Variants in SEMA3C observed in about 807,000 individuals in gnomAD.
SEMA3C encodes semaphorin-3C.
A neutral mutation model predicts 89.4 loss-of-function variants in SEMA3C; 47 were observed. The ratio of observed to expected loss-of-function variants is 0.53; its 90% confidence interval spans 0.42 to 0.67. SEMA3C has a LOEUF of 0.67. Ranked by LOEUF, SEMA3C falls within the 30% of genes least tolerant of loss-of-function variation. SEMA3C has a pLI of 0.00. For missense variants in SEMA3C, 839 were observed against 929.1 expected, an observed-to-expected ratio of 0.90 and a Z score of 1.26; for synonymous variants, 310 against 320.2, an observed-to-expected ratio of 0.97 and a Z score of 0.34.
intron 2 of SEMA3C, among the ~76,000 whole-genome samples, chr7:80,844,059 A>G (rs966169533): frequency 5.9e-5 from 9 of 152,156 alleles, no homozygotes; most frequent in Admixed American, 3.9e-4. Context: ...AATCATGGGT[A>G]CCTTTCCCAC....
Position 80,879,886 on chromosome 7 carries a change from T to A in SEMA3C, c.103+36793A>T, listed in dbSNP as rs75312854. Among the ~76,000 whole-genome samples the A allele has an allele frequency of 1.3e-4, 20 of 152,252 alleles. No individual in the cohort carries two copies. The East Asian group carries it at 3.9e-3, about 29-fold the overall frequency. On this transcript the variant is annotated intron_variant, in intron 2 of 17. Coordinates refer to ENST00000265361, the MANE Select transcript of SEMA3C (RefSeq NM_006379.5). ...CATGGAGCAAACAATCTTACAAGGT[T>A]TCTCTGTGACGTTTATAGAATTTCC...
intron 2 of SEMA3C, among the ~76,000 whole-genome samples, chr7:80,847,605 G>A (rs180734584): frequency 7.2e-5 from 11 of 152,040 alleles, no homozygotes; most frequent in Admixed American, 7.2e-4. Context: ...CTTTCCAAAC[G>A]TAACAAACTC....
At chr7:80,834,868 T>G (rs1790089489) in intron 2 of SEMA3C, among the ~76,000 whole-genome samples, 1 of 152,214 alleles carries the variant, frequency 6.6e-6, no homozygotes. Context: ...CAATACAATG[T>G]TAATGCTATG....
intron 2 of SEMA3C, among the ~76,000 whole-genome samples, chr7:80,903,215 A>G (rs945930946): frequency 1.2e-4 from 19 of 152,156 alleles, no homozygotes; most frequent in Admixed American, 2.6e-4. Flanking sequence ...CTCTTACTAC[A>G]CACCTAGGCT....
chr7:80,775,671 T>C (rs1308198742), intron 12 of SEMA3C, among the ~76,000 whole-genome samples: 2 of 152,130 alleles, frequency 1.3e-5, no homozygotes, highest in Non-Finnish European at 2.9e-5. Context: ...ACTCAGGCTA[T>C]TTATGGTGGT....
At chr7:80,800,876 G>T in intron 9 of SEMA3C, 50 bp from the exon 10 acceptor site, 1 of 1,257,446 alleles carries the variant, frequency 8.0e-7, no homozygotes, top group Non-Finnish European at 1.1e-6. Context: ...TAACTTCTTT[G>T]TTTTGAAAAA....
chr7:80,849,311 C>A (rs1180536296), intron 2 of SEMA3C, among the ~76,000 whole-genome samples: 2 of 151,050 alleles, frequency 1.3e-5, no homozygotes, highest in Non-Finnish European at 2.9e-5. Context: ...CAACAGTGGC[C>A]ATTAGTAAAA....
At chr7:80,860,313 T>A (rs1048639259) in intron 2 of SEMA3C, among the ~76,000 whole-genome samples, 6 of 152,182 alleles carry the variant, frequency 3.9e-5, no homozygotes, top group Admixed American at 3.3e-4. Flanking sequence ...AATGGCCAAC[T>A]ATTTTTGAAT....
At chr7:80,915,346 A>C (rs1042657829) in intron 2 of SEMA3C, among the ~76,000 whole-genome samples, 28 of 152,170 alleles carry the variant, frequency 1.8e-4, no homozygotes, top group Non-Finnish European at 3.2e-4. Flanking sequence ...TTAGAAGCTC[A>C]CACATTCTAA....
At chr7:80,785,866 C>A (rs1788789709) in intron 12 of SEMA3C, among the ~76,000 whole-genome samples, 5 of 152,174 alleles carry the variant, frequency 3.3e-5, no homozygotes, top group Admixed American at 3.3e-4. Context: ...CCTTGGCCTC[C>A]CAAAGTGCTG....
intron 2 of SEMA3C, among the ~76,000 whole-genome samples, chr7:80,895,646 AT>A (rs1791716267): frequency 1.6e-4 from 25 of 152,202 alleles, no homozygotes; most frequent in Admixed American, 1.6e-3. Context: ...AGATTATTAA[AT>A]TTAAACATAA....
chr7:80,864,222 A>G (rs1338113908), intron 2 of SEMA3C, among the ~76,000 whole-genome samples: 1 of 151,672 alleles, frequency 6.6e-6, no homozygotes, highest in Non-Finnish European at 1.5e-5. Flanking sequence ...GAATGAGACA[A>G]TGGACTTTGG....
At chr7:80,827,651 T>C (rs1789907790) in intron 3 of SEMA3C, among the ~76,000 whole-genome samples, 164 bp from the exon 4 acceptor site, 2 of 152,094 alleles carry the variant, frequency 1.3e-5, no homozygotes, top group African/African-American at 4.8e-5. Context: ...TCTATTATTT[T>C]AACAATTACA....
intron 17 of SEMA3C, among the ~76,000 whole-genome samples, chr7:80,746,897 T>C (rs1787814878): frequency 6.6e-6 from 1 of 152,100 alleles, no homozygotes; most frequent in Admixed American, 6.6e-5. Context: ...AGTATTGAAG[T>C]GGAGGAGGGC....
In SEMA3C at chr7:80,815,485, G is replaced by A. The variant is rs1467214543; in HGVS notation, c.447+2814C>T. Among the ~76,000 whole-genome samples the A allele has an allele frequency of 5.8e-5, 5 of 85,890 alleles. 1 individual carries two copies. 56.3% of individuals were successfully genotyped at this position (85,890 alleles called of 152,430 possible). A position where few individuals can be genotyped will look rare whatever the true frequency, so the allele number is the denominator to read the frequency against. On this transcript the variant is annotated intron_variant, in intron 5 of 17. Transcript: ENST00000265361. ...AAGTAAAAGAGAAAGGAGAAAATTAGAAAAAAGAAGTCACAGAACCAAAAA... is the reference window on the plus strand; with the variant it reads ...AAGTAAAAGAGAAAGGAGAAAATTAAAAAAAAGAAGTCACAGAACCAAAAA...
chr7:80,818,924 A>G (rs1554372969), intron 4 of SEMA3C, among the ~76,000 whole-genome samples: 1 of 152,208 alleles, frequency 6.6e-6, no homozygotes, highest in Non-Finnish European at 1.5e-5. Flanking sequence ...TATTACAGAA[A>G]CAGTCAGTCA....
chr7:80,874,019 G>A (rs1340037454), intron 2 of SEMA3C, among the ~76,000 whole-genome samples: 1 of 151,964 alleles, frequency 6.6e-6, no homozygotes, highest in African/African-American at 2.4e-5. Flanking sequence ...GCCCTTTTTT[G>A]GAGTGGAGAC....
chr7:80,766,262 C>T (rs942429541), intron 12 of SEMA3C, among the ~76,000 whole-genome samples: 1 of 152,182 alleles, frequency 6.6e-6, no homozygotes, highest in African/African-American at 2.4e-5. Context: ...CCCCCACCCC[C>T]AACCAGTAAT....
chr7:80,786,508 T>C (rs1388194081), intron 12 of SEMA3C, among the ~76,000 whole-genome samples: 1 of 151,936 alleles, frequency 6.6e-6, no homozygotes, highest in Non-Finnish European at 1.5e-5. Context: ...TATGAGACAC[T>C]GTGGAGAGGT....
Sources: allele counts gnomAD v4.1 joint callset (sites outside exome capture counted in the v4.1 genomes callset), GRCh38; gene constraint gnomAD v4.1.1; transcripts MANE v1.5; gene names NCBI Gene and HGNC (gene_info 2026-07-23, HGNC 2026-07-21).